The following SRP72 variants were observed in gnomAD, a reference collection of about 807,000 sequenced individuals.
SRP72 encodes signal recognition particle subunit SRP72.
A neutral mutation model predicts 96.3 loss-of-function variants in SRP72; 49 were observed. The ratio of observed to expected loss-of-function variants is 0.51; its 90% CI spans 0.40 to 0.65. SRP72 has a LOEUF of 0.65. Ranked by LOEUF, SRP72 falls within the 30% of genes least tolerant of loss-of-function variation. The pLI, the probability that SRP72 is intolerant of heterozygous loss-of-function variation, is 0.00. For missense variants in SRP72, 736 were observed against 793.3 expected (o/e 0.93, Z 0.87); for synonymous variants, 267 against 275.2 (o/e 0.97, Z 0.30).
intron 1 of SRP72, among the ~76,000 whole-genome samples, chr4:56,468,663 C>T (rs1050209122): frequency 1.3e-5 from 2 of 152,106 alleles, no homozygotes; most frequent in African/African-American, 4.8e-5. Flanking sequence ...CACTCTAGTA[C>T]TGGGTTAACG....
chr4:56,500,827 C>T (rs549492361), intron 18 of SRP72, 132 bp downstream of exon 18: 18 of 857,990 alleles, frequency 2.1e-5, no homozygotes, highest in Admixed American at 3.5e-5. Context: ...GTTTATACTA[C>T]ACTTATGCAA....
chr4:56,469,961 A>T (rs1578172945), intron 2 of SRP72, among the ~76,000 whole-genome samples, 188 bp downstream of exon 2: 1 of 138,960 alleles, frequency 7.2e-6, no homozygotes. Context: ...TGTTTTTTTC[A>T]GCCTTAGAGA....
chr4:56,484,801 G>T lies in SRP72; in HGVS notation c.1023G>T (p.Val341=). The T allele has an allele frequency of 6.2e-7, 1 of 1,614,124 alleles. No individual in the cohort carries two copies. Among genetic ancestry groups the T allele is most frequent in the South Asian group, 1.1e-5 (1 of 91,076 alleles). The change falls in exon 10 of 19, where the codon GTG becomes GTT. Residue 341 remains valine, a synonymous_variant. Coordinates refer to ENST00000642900, the MANE Select transcript of SRP72 (RefSeq NM_006947.4). ...QSQSPEHLLP[V]LIQAAQLCRE... The stretch of plus-strand genomic sequence containing the variant: ...AAAGTCCCGAGCATCTCTTACCTGT[G>T]TTAATCCAAGCTGCCCAGCTCTGCC...
intron 2 of SRP72, among the ~76,000 whole-genome samples, chr4:56,470,895 G>A (rs1407117130): frequency 7.4e-5 from 11 of 147,772 alleles, no homozygotes; most frequent in Non-Finnish European, 1.2e-4. Context: ...TCCACCTTCC[G>A]GGTTCACGCG....
chr4:56,478,515 A>G lies in SRP72; in HGVS notation c.767+12A>G. On this transcript the variant is annotated intron_variant, in intron 7 of 18. Coordinates refer to ENST00000642900, the MANE Select transcript of SRP72 (RefSeq NM_006947.4). ...ATAATAAAACTAAAGTGAGTTATTAAAAGGAAGTGTCTTTTATAGGGGATG... is the reference window on the plus strand; with the variant it reads ...ATAATAAAACTAAAGTGAGTTATTAGAAGGAAGTGTCTTTTATAGGGGATG... 1 of 1,613,770 alleles carries G rather than the reference A, an allele frequency of 6.2e-7. No homozygotes were observed. The highest frequency in any genetic ancestry group is 1.3e-5 in the African/African-American group (1 of 75,026).
In SRP72 at chr4:56,484,777, A is replaced by G. The variant is rs779867478; in HGVS notation, c.999A>G (p.Gln333=). Residue 333 remains glutamine, a synonymous_variant, in exon 10 of 19, where the codon CAA becomes CAG. Coordinates refer to ENST00000642900, the MANE Select transcript of SRP72 (RefSeq NM_006947.4). ...CRKISASLQS[Q]SPEHLLPVLI... is the part of the protein sequence containing the mutation. ...AAATATCTGCCAGTTTACAGTCCCA[A>G]AGTCCCGAGCATCTCTTACCTGTGT... The G allele has an allele frequency of 1.1e-5, 18 of 1,614,162 alleles. No individual in the cohort carries two copies. Among genetic ancestry groups the G allele is most frequent in the Non-Finnish European group, 1.4e-5 (16 of 1,180,030 alleles).
chr4:56,489,752 AAAT>A (rs1720841751), intron 13 of SRP72, among the ~76,000 whole-genome samples: 3 of 152,354 alleles, frequency 2.0e-5, no homozygotes, highest in South Asian at 4.1e-4. Flanking sequence ...TAATCTCAAG[AAAT>A]AATAATAGTA....
intron 6 of SRP72, among the ~76,000 whole-genome samples, chr4:56,478,016 T>C (rs186288221): frequency 1.8e-4 from 27 of 152,316 alleles, no homozygotes; most frequent in African/African-American, 6.5e-4. Context: ...AATTTAGGGA[T>C]ATCATTATAA....
At chr4:56,467,848 A>AC (rs1407838797) in intron 1 of SRP72, 104 bp downstream of exon 1, 1 of 1,059,040 alleles carries the variant, frequency 9.4e-7, no homozygotes, top group Non-Finnish European at 1.3e-6. Flanking sequence ...GGAAGGGGAG[A>AC]CCCCCGAAAC....
chr4:56,478,387 T>A lies in SRP72; in HGVS notation c.651T>A (p.Thr217=). ...ACATTTCTTTCTCTTAGGATGGGAC[T>A]GAGGAAGACCCACAGGCAGAACTGG... is the stretch of plus-strand genomic sequence containing the variant. ...RRSLSEDTDG[T]EEDPQAELAI... Residue 217 remains threonine (T), a synonymous_variant, in exon 7 of 19, where the codon ACT becomes ACA. Transcript: ENST00000642900. 1 of 1,603,438 alleles carries A rather than the reference T, an allele frequency of 6.2e-7. No individual in the cohort carries two copies. The highest frequency in any genetic ancestry group is 8.5e-7 in the Non-Finnish European group (1 of 1,176,340).
chr4:56,477,082 A>G (rs1484819571), intron 6 of SRP72: 1 of 167,402 alleles, frequency 6.0e-6, no homozygotes, highest in African/African-American at 2.4e-5. Context: ...AAGTGTAACA[A>G]TATCTTAAAT....
At chr4:56,499,495 C>G (rs1380622184) in intron 17 of SRP72, among the ~76,000 whole-genome samples, 2 of 152,082 alleles carry the variant, frequency 1.3e-5, no homozygotes, top group African/African-American at 4.8e-5. Flanking sequence ...GGGCTAATAT[C>G]CAGAATCAAC....
At position 56,474,569 on chromosome 4, in the gene SRP72, A is replaced by G; in HGVS notation, c.610+178A>G. On this transcript the variant is annotated intron_variant, in intron 5 of 18. Transcript: ENST00000642900. ...TTTTTTTTTTTATGGAGTGGGACAG[A>G]ATCTTACCCTGTTGCCCAGGCTGGA... 3 of 626,946 alleles carry G rather than the reference A, an allele frequency of 4.8e-6. No individual in the cohort carries two copies. In the South Asian group the frequency reaches 6.1e-5, roughly 13 times the overall value. 38.8% of individuals were successfully genotyped at this position (626,946 alleles called of 1,614,324 possible).
At chr4:56,490,248 T>C (rs1560685682) in intron 13 of SRP72, 85 bp from the exon 14 acceptor site, 10 of 1,051,774 alleles carry the variant, frequency 9.5e-6, no homozygotes, top group Admixed American at 5.1e-5. Context: ...ATAGGTGTAT[T>C]TCTTAAAGGT....
In SRP72 at chr4:56,491,618, A is replaced by T. The variant is rs373656282; in HGVS notation, c.1640+50A>T. On this transcript the variant is annotated intron_variant, in intron 16 of 18. Coordinates refer to ENST00000642900, the MANE Select transcript of SRP72 (RefSeq NM_006947.4). ...TCTAATGCTGATTTTAAATTAGACAAGGAATAAAAAATACATTCTCATAGA... is the reference window on the plus strand; with the variant it reads ...TCTAATGCTGATTTTAAATTAGACATGGAATAAAAAATACATTCTCATAGA... 6 of 1,545,614 alleles carry T rather than the reference A, an allele frequency of 3.9e-6. No individual in the cohort carries two copies. The African/African-American group carries it at 8.2e-5, about 21-fold the overall frequency.
At chr4:56,471,345 TG>T (rs2110111598) in intron 2 of SRP72, among the ~76,000 whole-genome samples, 1 of 152,350 alleles carries the variant, frequency 6.6e-6, no homozygotes, top group African/African-American at 2.4e-5. Flanking sequence ...TAAAGAAATA[TG>T]GCTTATTGTT....
At chr4:56,490,521 C>G (rs1720869493) in intron 14 of SRP72, 47 bp from the exon 15 acceptor site, 1 of 1,598,292 alleles carries the variant, frequency 6.3e-7, no homozygotes, top group Non-Finnish European at 8.6e-7. Context: ...ATATTACTTT[C>G]TCCAGTTTTA....
At chr4:56,491,594 C>G (rs1720909520) in intron 16 of SRP72, 26 bp downstream of exon 16, 1 of 1,595,198 alleles carries the variant, frequency 6.3e-7, no homozygotes, top group Non-Finnish European at 8.6e-7. Flanking sequence ...GTAACGTTCT[C>G]TAATGCTGAT....
In SRP72 at chr4:56,474,305, C is replaced by G. The variant is rs1417524132; in HGVS notation, c.524C>G (p.Thr175Arg). Residue 175 changes from threonine (T) to arginine (R), a missense_variant, in exon 5 of 19, where the codon ACA (threonine) becomes AGA (arginine). Around this residue, in one of 3 missense-constraint regions of SRP72, gnomAD observed 329 missense variants for 319.0 expected, o/e 1.03. Coordinates refer to ENST00000642900, the MANE Select transcript of SRP72 (RefSeq NM_006947.4). Reference protein sequence around the residue: ...VPENLGLQEGTHELCYNTACA... With the variant: ...VPENLGLQEGRHELCYNTACA... Reference sequence around the variant, plus strand: ...GAGAACCTGGGCCTCCAAGAAGGCACACATGAGCTGTGCTACAACACTGCA... The same window carrying G: ...GAGAACCTGGGCCTCCAAGAAGGCAGACATGAGCTGTGCTACAACACTGCA... The G allele has an allele frequency of 6.2e-7, 1 of 1,613,978 alleles. No homozygotes were observed.
Sources: gnomAD v4.1 joint callset for allele counts (sites outside exome capture counted in the v4.1 genomes callset) on GRCh38, gnomAD v4.1.1 for gene constraint, gnomAD v4.1.1 regional missense constraint, MANE v1.5 for transcripts, NCBI Gene and HGNC (gene_info 2026-07-23, HGNC 2026-07-21) for gene names.